The following DRC11 variants were observed in gnomAD, a reference collection of about 807,000 sequenced individuals.
The protein encoded by DRC11 is dynein regulatory complex subunit 11, also known as IQ and AAA domain-containing protein 1.
the DRC11 span, among the ~76,000 whole-genome samples, chr2:236,426,480 T>C: frequency 6.6e-6 from 1 of 152,220 alleles, no homozygotes; most frequent in Admixed American, 6.5e-5. This position sits in a 1 kb window ranked among gnomAD's most constrained non-coding sequence, Gnocchi z 4.1. Flanking sequence ...TTTTGTATGC[T>C]GATTTTGTAT....
At chr2:236,484,600 CTT>C in the DRC11 span, among the ~76,000 whole-genome samples, 6 of 137,414 alleles carry the variant, frequency 4.4e-5, no homozygotes, top group African/African-American at 8.0e-5. Flanking sequence ...ATATTCTTGG[CTT>C]TTTTTTTTTT....
At chr2:236,308,238 A>C in the DRC11 span, among the ~76,000 whole-genome samples, 2 of 152,252 alleles carry the variant, frequency 1.3e-5, no homozygotes, top group African/African-American at 4.8e-5. This position sits in a 1 kb window ranked among gnomAD's most constrained non-coding sequence, Gnocchi z 6.0. Flanking sequence ...TCAGTGTGGA[A>C]CACACCTGCC....
chr2:236,464,826 C>A, the DRC11 span, among the ~76,000 whole-genome samples: 1 of 151,940 alleles, frequency 6.6e-6, no homozygotes, highest in Non-Finnish European at 1.5e-5. Context: ...GTGGCACCAC[C>A]CCCTGCCGCC....
At chr2:236,437,030 T>C in the DRC11 span, among the ~76,000 whole-genome samples, 4 of 151,282 alleles carry the variant, frequency 2.6e-5, no homozygotes, top group Admixed American at 6.6e-5. Flanking sequence ...CATGCTGGTG[T>C]GCTGCACCCA....
chr2:236,378,117 C>T, the DRC11 span, among the ~76,000 whole-genome samples: 3 of 152,044 alleles, frequency 2.0e-5, no homozygotes, highest in Admixed American at 6.5e-5. Context: ...AAATACTATT[C>T]GGGGAAATGT....
chr2:236,353,512 G>A, the DRC11 span, among the ~76,000 whole-genome samples: 1 of 152,148 alleles, frequency 6.6e-6, no homozygotes, highest in East Asian at 1.9e-4. This position sits in a 1 kb window ranked among gnomAD's most constrained non-coding sequence, Gnocchi z 5.0. Flanking sequence ...TTATGAAGAT[G>A]CTCTGCCCAG....
At chr2:236,494,467 G>T in the DRC11 span, among the ~76,000 whole-genome samples, 173 of 152,222 alleles carry the variant, frequency 1.1e-3, no homozygotes, top group African/African-American at 4.1e-3. This position sits in a 1 kb window ranked among gnomAD's most constrained non-coding sequence, Gnocchi z 4.2. Flanking sequence ...TCAAACCAGT[G>T]GGGGTTCAGA....
chr2:236,347,110 G>A, the DRC11 span, among the ~76,000 whole-genome samples: 1 of 152,236 alleles, frequency 6.6e-6, no homozygotes, highest in South Asian at 2.1e-4. Flanking sequence ...CCAGGCTGGA[G>A]TGCAGTGGCA....
chr2:236,363,885 G>T, the DRC11 span: 1 of 1,613,978 alleles, frequency 6.2e-7, no homozygotes. This position sits in a 1 kb window ranked among gnomAD's most constrained non-coding sequence, Gnocchi z 5.6. Context: ...TTTCGGTGCA[G>T]ATGGCATGGA....
chr2:236,363,742 AG>A, the DRC11 span: 4 of 1,430,904 alleles, frequency 2.8e-6, no homozygotes, highest in African/African-American at 4.2e-5. This position sits in a 1 kb window ranked among gnomAD's most constrained non-coding sequence, Gnocchi z 5.6. Context: ...AATTTGAAAG[AG>A]GGAGGAGAGT....
chr2:236,339,296 G>A, the DRC11 span, among the ~76,000 whole-genome samples: 1 of 152,164 alleles, frequency 6.6e-6, no homozygotes, highest in East Asian at 1.9e-4. Context: ...AGGGTTCTTT[G>A]TAGGTTCTAT....
the DRC11 span, among the ~76,000 whole-genome samples, chr2:236,314,521 TG>T: frequency 6.6e-6 from 1 of 152,280 alleles, no homozygotes; most frequent in African/African-American, 2.4e-5. The surrounding 1 kb of genome is among the most constrained non-coding windows in gnomAD (Gnocchi z 4.5). Context: ...TAAATAAAAC[TG>T]TAATTTTCCA....
the DRC11 span, among the ~76,000 whole-genome samples, chr2:236,347,427 T>C: frequency 0.16 from 24,036 of 150,064 alleles, 1,948 homozygotes; most frequent in Admixed American, 0.19. Context: ...TGTTTATACT[T>C]TGCACATGCA....
chr2:236,341,962 G>T, the DRC11 span, among the ~76,000 whole-genome samples: 1 of 152,190 alleles, frequency 6.6e-6, no homozygotes, highest in Non-Finnish European at 1.5e-5. Context: ...CGCCACCGGG[G>T]TCCTCCTTTT....
the DRC11 span, among the ~76,000 whole-genome samples, chr2:236,316,929 A>G: frequency 1.4e-3 from 220 of 152,356 alleles, 1 homozygote; most frequent in Admixed American, 3.5e-3. The surrounding 1 kb of genome is among the most constrained non-coding windows in gnomAD (Gnocchi z 6.8). Context: ...CAGTGTGTGC[A>G]CATGTGTGCA....
chr2:236,457,805 G>C, the DRC11 span, among the ~76,000 whole-genome samples: 1 of 152,220 alleles, frequency 6.6e-6, no homozygotes, highest in Non-Finnish European at 1.5e-5. The surrounding 1 kb of genome is among the most constrained non-coding windows in gnomAD (Gnocchi z 4.7). Context: ...CAGAGGCAAG[G>C]AAGGGAGCTT....
the DRC11 span, among the ~76,000 whole-genome samples, chr2:236,372,014 T>A: frequency 1.8e-4 from 28 of 152,242 alleles, no homozygotes; most frequent in Non-Finnish European, 3.2e-4. The surrounding 1 kb of genome is among the most constrained non-coding windows in gnomAD (Gnocchi z 4.5). Context: ...AGATAGACAG[T>A]GTGGTCTTTC....
chr2:236,343,911 A>G, the DRC11 span: 13 of 403,164 alleles, frequency 3.2e-5, no homozygotes, highest in Non-Finnish European at 6.3e-5. This position sits in a 1 kb window ranked among gnomAD's most constrained non-coding sequence, Gnocchi z 6.6. Context: ...TGTATAATAC[A>G]TAAGGATCAA....
chr2:236,347,739 A>G, the DRC11 span, among the ~76,000 whole-genome samples: 2 of 151,890 alleles, frequency 1.3e-5, no homozygotes, highest in Non-Finnish European at 2.9e-5. Context: ...ATGAAAGACT[A>G]CAAAAAGGGT....
Sources: allele counts gnomAD v4.1 joint callset (sites outside exome capture counted in the v4.1 genomes callset), GRCh38; gene constraint gnomAD v4.1.1; non-coding constraint Gnocchi (gnomAD v3.1); transcripts MANE v1.5; gene names NCBI Gene and HGNC (gene_info 2026-07-23, HGNC 2026-07-21).